Variants in GRAMD1B observed in about 807,000 individuals in gnomAD.
GRAMD1B encodes the protein protein Aster-B.
Under a neutral mutation model 99.7 loss-of-function variants are expected in GRAMD1B, and 37 were observed. The ratio of observed to expected loss-of-function variants is 0.37; its 90% CI spans 0.29 to 0.49. The LOEUF (loss-of-function observed/expected upper bound fraction) is 0.49, where lower values mean the gene tolerates loss of function less well. Among genes scored for constraint, GRAMD1B ranks in the 20% least tolerant of loss-of-function variants. GRAMD1B has a pLI of 0.98. For missense variants in GRAMD1B, 888 were observed against 1,009.2 expected, an observed-to-expected ratio of 0.88 and a Z score of 1.63; for synonymous variants, 427 against 387.6, an observed-to-expected ratio of 1.10 and a Z score of -1.19.
chr11:123,599,729 T>TC (rs2136689685), intron 7 of GRAMD1B, among the ~76,000 whole-genome samples: 1 of 152,328 alleles, frequency 6.6e-6, no homozygotes, highest in South Asian at 2.1e-4. Context: ...CACCTCGGCC[T>TC]CCCAAAGTGT....
chr11:123,474,244 T>G (rs11219163), intron 1 of GRAMD1B, among the ~76,000 whole-genome samples: 5,886 of 144,318 alleles, frequency 0.041, 341 homozygotes, highest in African/African-American at 0.14. Context: ...TGCAATGTTT[T>G]CTTTTTTTTA....
At chr11:123,574,143 T>C (rs942436972) in intron 2 of GRAMD1B, among the ~76,000 whole-genome samples, 4 of 151,286 alleles carry the variant, frequency 2.6e-5, no homozygotes, top group Non-Finnish European at 4.4e-5. Flanking sequence ...AAGGGCTCTT[T>C]AGGCTCAAGT....
At chr11:123,412,780 A>T (rs1948096973) in intron 1 of GRAMD1B, among the ~76,000 whole-genome samples, 1 of 61,506 alleles carries the variant, frequency 1.6e-5, no homozygotes, top group Admixed American at 1.2e-4. Flanking sequence ...AATAAAAAAA[A>T]ACTAAAGTTT....
intron 1 of GRAMD1B, among the ~76,000 whole-genome samples, chr11:123,366,330 C>T (rs536070528): frequency 3.3e-5 from 5 of 152,104 alleles, no homozygotes; most frequent in Admixed American, 6.5e-5. Context: ...GAGTGTTGGC[C>T]CAACTGTGAT....
Position 123,446,375 on chromosome 11 carries a change from A to G in GRAMD1B, c.374+15209A>G, listed in dbSNP as rs188348819. 5.9e-5 allele frequency among the ~76,000 whole-genome samples: 9 copies of G among 152,196 alleles called. No homozygotes were observed. In the East Asian group the frequency reaches 1.7e-3, roughly 30 times the overall value. ...GAGATGGGGTTTCACCATGTTGGCCAGGCTAATCTCGAACTCCTGACCTCG... is the reference window on the plus strand; with the variant it reads ...GAGATGGGGTTTCACCATGTTGGCCGGGCTAATCTCGAACTCCTGACCTCG... On this transcript the variant is annotated intron_variant, in intron 1 of 19. Coordinates refer to ENST00000635736, the MANE Select transcript of GRAMD1B (RefSeq NM_001387025.1).
chr11:123,619,750 T>G (rs1954892788), intron 19 of GRAMD1B, among the ~76,000 whole-genome samples: 1 of 152,204 alleles, frequency 6.6e-6, no homozygotes, highest in Admixed American at 6.5e-5. Flanking sequence ...GATCAACTAT[T>G]TAGGCAAATC....
Position 123,440,945 on chromosome 11 carries a change from A to T in GRAMD1B, c.374+9779A>T, listed in dbSNP as rs576410928. On this transcript the variant is annotated intron_variant, in intron 1 of 19. Transcript: ENST00000635736. ...GTGAATAAGTCTCATGAAATCTGAT[A>T]GTTTTAAAAATGGGAATTTCCTTGC... Among the ~76,000 whole-genome samples the T allele has an allele frequency of 3.9e-5, 6 of 152,248 alleles. No homozygotes were observed. In the South Asian group the frequency reaches 1.0e-3, roughly 26 times the overall value.
rs535737696 is a variant in GRAMD1B, at chr11:123,559,684, C to A, written c.453-17683C>A. The A allele has an allele frequency of 1.8e-5, 18 of 985,056 alleles. No homozygotes were observed. In the South Asian group the frequency reaches 8.0e-4, roughly 44 times the overall value. The allele number at this position is 985,056 out of a possible 1,614,324, so 61.0% of individuals were successfully genotyped here. ...AGAAGACCCAGACGACTCTGCTTTGCCACGAATGTAAGTGCTTTCCCTGAG... is the reference window on the plus strand; with the variant it reads ...AGAAGACCCAGACGACTCTGCTTTGACACGAATGTAAGTGCTTTCCCTGAG... On this transcript the variant is annotated intron_variant, in intron 2 of 19. Coordinates refer to ENST00000635736, the MANE Select transcript of GRAMD1B (RefSeq NM_001387025.1).
chr11:123,406,454 A>C (rs1395765094), intron 1 of GRAMD1B, among the ~76,000 whole-genome samples: 4 of 152,062 alleles, frequency 2.6e-5, no homozygotes, highest in Non-Finnish European at 5.9e-5. Context: ...GGGTTTCACC[A>C]TATTGTCCAG....
chr11:123,613,696 T>C (rs1953926341), intron 16 of GRAMD1B, 38 bp downstream of exon 16: 2 of 1,537,262 alleles, frequency 1.3e-6, no homozygotes, highest in Admixed American at 3.4e-5. Context: ...TGGACTAAGC[T>C]TTGGGCTGGA....
chr11:123,404,801 T>C (rs1479191756), intron 1 of GRAMD1B, among the ~76,000 whole-genome samples: 5 of 152,242 alleles, frequency 3.3e-5, no homozygotes, highest in Non-Finnish European at 5.9e-5. Flanking sequence ...TACTCATCGT[T>C]AAGAGACAAA....
chr11:123,581,728 C>T (rs75308153), intron 3 of GRAMD1B, among the ~76,000 whole-genome samples: 3,298 of 152,320 alleles, frequency 0.022, 52 homozygotes, highest in East Asian at 0.056. Context: ...TTCTTACCCA[C>T]GCTTTACAAA....
chr11:123,479,196 C>T (rs1164679510), intron 1 of GRAMD1B, among the ~76,000 whole-genome samples: 3 of 152,296 alleles, frequency 2.0e-5, no homozygotes, highest in Non-Finnish European at 2.9e-5. Context: ...GGCGCTGTTC[C>T]GGTTTCTGGT....
chr11:123,391,613 C>T (rs866880590), intron 1 of GRAMD1B, among the ~76,000 whole-genome samples: 5 of 152,148 alleles, frequency 3.3e-5, no homozygotes, highest in African/African-American at 9.6e-5. Flanking sequence ...ACTGCCAGCA[C>T]GCCTGGCTAA....
intron 4 of GRAMD1B, among the ~76,000 whole-genome samples, chr11:123,586,075 G>A (rs1950039221): frequency 6.6e-6 from 1 of 151,674 alleles, no homozygotes; most frequent in Non-Finnish European, 1.5e-5. Flanking sequence ...CCTTCTTTCC[G>A]CCATCCTTTC....
chr11:123,548,737 A>G (rs971481595), intron 2 of GRAMD1B, among the ~76,000 whole-genome samples: 1 of 152,132 alleles, frequency 6.6e-6, no homozygotes, highest in Non-Finnish European at 1.5e-5. Flanking sequence ...CCTTTGGAGT[A>G]GCTGGAACCT....
At chr11:123,530,319 T>A (rs1943221893) in intron 2 of GRAMD1B, among the ~76,000 whole-genome samples, 1 of 152,028 alleles carries the variant, frequency 6.6e-6, no homozygotes, top group African/African-American at 2.4e-5. Flanking sequence ...GCAAGTGGGG[T>A]GCTGTTCATT....
At chr11:123,580,901 C>CTTT (rs34166213) in intron 3 of GRAMD1B, among the ~76,000 whole-genome samples, 76 of 142,556 alleles carry the variant, frequency 5.3e-4, no homozygotes, top group African/African-American at 1.6e-3. Flanking sequence ...TTTGACTTTC[C>CTTT]TTTTTTTTTT....
intron 1 of GRAMD1B, among the ~76,000 whole-genome samples, chr11:123,424,197 C>A (rs1326999492): frequency 6.6e-6 from 1 of 150,470 alleles, no homozygotes; most frequent in Non-Finnish European, 1.5e-5. Flanking sequence ...AAATTTCATG[C>A]TGTCACCAGA....
Sources: gnomAD v4.1 joint callset for allele counts (sites outside exome capture counted in the v4.1 genomes callset) on GRCh38, gnomAD v4.1.1 for gene constraint, MANE v1.5 for transcripts, NCBI Gene and HGNC (gene_info 2026-07-23, HGNC 2026-07-21) for gene names.